The following CFAP221 variants were observed in gnomAD, a reference collection of about 807,000 sequenced individuals.
CFAP221 encodes cilia- and flagella-associated protein 221.
A neutral mutation model predicts 113.1 loss-of-function variants in CFAP221; 97 were observed. That is an observed-to-expected ratio of 0.86 (90% CI 0.73 to 1.02). The LOEUF (loss-of-function observed/expected upper bound fraction) is 1.02, where lower values mean the gene tolerates loss of function less well. CFAP221 is among the 50% of genes least tolerant of loss of function. CFAP221 has a pLI of 0.00. For synonymous variants in CFAP221, 331 were observed against 354.4 expected (o/e 0.93, Z 0.74); for missense variants, 1,025 against 1,013.4 (o/e 1.01, Z -0.16).
intron 21 of CFAP221, 98 bp downstream of exon 21, chr2:119,639,970 A>G: frequency 3.0e-6 from 3 of 1,010,810 alleles, no homozygotes; most frequent in Non-Finnish European, 4.5e-6. Context: ...ATGTCAAACC[A>G]TACTTTTAAA....
chr2:119,622,108 A>G (rs1480918109), intron 14 of CFAP221, among the ~76,000 whole-genome samples: 3 of 152,200 alleles, frequency 2.0e-5, no homozygotes, highest in African/African-American at 7.2e-5. Context: ...AACAAAATAG[A>G]TAGACTGCCA....
At chr2:119,605,689 G>A (rs1455136941) in intron 11 of CFAP221, among the ~76,000 whole-genome samples, 2 of 152,156 alleles carry the variant, frequency 1.3e-5, no homozygotes, top group African/African-American at 4.8e-5. Context: ...TGAGGCTCTG[G>A]GGGGCTCCTA....
chr2:119,600,556 TAATA>T lies in CFAP221; in HGVS notation c.632-656_632-653del, dbSNP rs201371934. On this transcript the variant is annotated intron_variant, in intron 7 of 23. Coordinates refer to ENST00000413369, the MANE Select transcript of CFAP221 (RefSeq NM_001271049.2). ...TATTGTAAAGGATTAATATAGTAAT[TAATA>T]AATAAGATCAATGTAAACATGCAGA... Among the ~76,000 whole-genome samples, 576 of 152,306 alleles carry T rather than the reference TAATA, an allele frequency of 3.8e-3. 6 individuals are homozygous for T. The highest frequency in any genetic ancestry group is 0.013 in the African/African-American group (536 of 41,554).
In CFAP221 at chr2:119,582,116, C is replaced by T. The variant is rs527848200; in HGVS notation, c.528-5003C>T. 1.1e-4 allele frequency among the ~76,000 whole-genome samples: 16 copies of T among 152,140 alleles called. No individual in the cohort carries two copies. The South Asian group carries it at 2.1e-3, about 20-fold the overall frequency. On this transcript the variant is annotated intron_variant, in intron 6 of 23. Transcript: ENST00000413369. The stretch of plus-strand genomic sequence containing the variant: ...AGAAAATAAAAAATAAGTTTATTTA[C>T]GTAAGAATTTCCCACACACAATCCT...
intron 3 of CFAP221, among the ~76,000 whole-genome samples, chr2:119,551,824 T>C (rs1279120341): frequency 6.6e-6 from 1 of 152,218 alleles, no homozygotes; most frequent in Non-Finnish European, 1.5e-5. Flanking sequence ...ATTGAATCTG[T>C]AGATCAATTT....
chr2:119,560,706 A>C (rs1681184408), intron 5 of CFAP221, among the ~76,000 whole-genome samples: 1 of 152,150 alleles, frequency 6.6e-6, no homozygotes, highest in African/African-American at 2.4e-5. Context: ...GTAACAAATG[A>C]GTTTCTACTT....
At chr2:119,648,565 C>A (rs1687947749) in intron 22 of CFAP221, 2 of 186,060 alleles carry the variant, frequency 1.1e-5, no homozygotes, top group Non-Finnish European at 2.6e-5. Context: ...CAGAGTTCCT[C>A]CCTACCCGCT....
chr2:119,559,018 C>T (rs2104532764), intron 3 of CFAP221, among the ~76,000 whole-genome samples: 1 of 152,326 alleles, frequency 6.6e-6, no homozygotes, highest in African/African-American at 2.4e-5. Context: ...TCTTAACCTT[C>T]TCCTGGCCCA....
At chr2:119,655,121 T>C (rs1348985789) in intron 23 of CFAP221, among the ~76,000 whole-genome samples, 1 of 152,220 alleles carries the variant, frequency 6.6e-6, no homozygotes, top group Non-Finnish European at 1.5e-5. Context: ...ATTTGGTTTC[T>C]GGCAAACATT....
chr2:119,631,172 G>GA, intron 19 of CFAP221: 1 of 863,100 alleles, frequency 1.2e-6, no homozygotes, highest in South Asian at 5.1e-5. Flanking sequence ...AGAAGAAATT[G>GA]AAAAAGAAAT....
At chr2:119,640,119 A>T (rs1476670351) in intron 21 of CFAP221, among the ~76,000 whole-genome samples, 2 of 152,032 alleles carry the variant, frequency 1.3e-5, no homozygotes, top group Non-Finnish European at 2.9e-5. Flanking sequence ...CAAGTAGACA[A>T]CCATTCCATA....
chr2:119,653,252 G>A (rs1252973573), intron 23 of CFAP221, among the ~76,000 whole-genome samples: 2 of 151,832 alleles, frequency 1.3e-5, no homozygotes, highest in Non-Finnish European at 2.9e-5. Flanking sequence ...GTGGTGGCAG[G>A]TGCCTATAAT....
chr2:119,557,767 G>A (rs942016597), intron 3 of CFAP221, among the ~76,000 whole-genome samples: 1 of 152,012 alleles, frequency 6.6e-6, no homozygotes, highest in African/African-American at 2.4e-5. Context: ...TTGGGAGTCC[G>A]AGGTGGGTGG....
At chr2:119,568,938 C>T (rs879473810) in intron 6 of CFAP221, among the ~76,000 whole-genome samples, 42 of 152,276 alleles carry the variant, frequency 2.8e-4, no homozygotes, top group South Asian at 1.4e-3. Flanking sequence ...GTTTTTATTT[C>T]CCCTTCACTT....
At position 119,611,437 on chromosome 2, in the gene CFAP221, A is replaced by G. The variant is rs542316214; in HGVS notation, c.1222-216A>G. Among the ~76,000 whole-genome samples, 121 of 151,504 alleles carry G rather than the reference A, an allele frequency of 8.0e-4. 1 individual carries two copies. Among genetic ancestry groups the G allele is most frequent in the African/African-American group, 2.8e-3 (114 of 41,364 alleles). On this transcript the variant is annotated intron_variant, in intron 12 of 23. Transcript: ENST00000413369. ...GACAACGTCAAAAAAAAAAAAAAAA[A>G]AAAGGAGGTATCGAATCTGTGCTTC... is the stretch of plus-strand genomic sequence containing the variant.
rs185989732 is a variant in CFAP221, at chr2:119,571,329, G to A, written c.527+9215G>A. On this transcript the variant is annotated intron_variant, in intron 6 of 23. Coordinates refer to ENST00000413369, the MANE Select transcript of CFAP221 (RefSeq NM_001271049.2). ...TAATTTTTGTATTTTTAGTAGAGAC[G>A]GGGTTTCGCCCTGTTGGTCAGTCTG... is the stretch of plus-strand genomic sequence containing the variant. Among the ~76,000 whole-genome samples, 212 of 151,820 alleles carry A rather than the reference G, an allele frequency of 1.4e-3. 3 individuals carry two copies. Among genetic ancestry groups the A allele is most frequent in the Admixed American group, 0.01 (153 of 15,236 alleles).
At chr2:119,614,725 GAC>G (rs1362179898) in intron 13 of CFAP221, among the ~76,000 whole-genome samples, 1 of 152,126 alleles carries the variant, frequency 6.6e-6, no homozygotes, top group East Asian at 1.9e-4. Context: ...TTTGGGTGGG[GAC>G]ACAGCCAAAC....
At chr2:119,568,291 T>G (rs1034182049) in intron 6 of CFAP221, among the ~76,000 whole-genome samples, 1 of 152,232 alleles carries the variant, frequency 6.6e-6, no homozygotes, top group African/African-American at 2.4e-5. Context: ...TAATTTTACC[T>G]TCATTTTTTC....
At chr2:119,653,403 T>C (rs1288760667) in intron 23 of CFAP221, among the ~76,000 whole-genome samples, 1 of 152,096 alleles carries the variant, frequency 6.6e-6, no homozygotes, top group Non-Finnish European at 1.5e-5. Context: ...AAATAAAATA[T>C]AAATACATAT....
Sources: allele counts gnomAD v4.1 joint callset (sites outside exome capture counted in the v4.1 genomes callset), GRCh38; gene constraint gnomAD v4.1.1; transcripts MANE v1.5; gene names NCBI Gene and HGNC (gene_info 2026-07-23, HGNC 2026-07-21).